The following RBM20 variants were observed in gnomAD, a reference collection of about 807,000 sequenced individuals.
RBM20 encodes RNA binding motif protein 20, also known as RNA-binding protein 20.
RBM20 carries 51 observed loss-of-function variants against 110.1 expected under a neutral mutation model. That is an observed-to-expected ratio of 0.46 (90% confidence interval 0.37 to 0.59). RBM20 has a LOEUF of 0.59. Among genes scored for constraint, RBM20 ranks in the 20% least tolerant of loss-of-function variants. The pLI is 0.00. For missense variants in RBM20, 1,512 were observed against 1,574.9 expected, an observed-to-expected ratio of 0.96 and a Z score of 0.68; for synonymous variants, 589 against 618.2, an observed-to-expected ratio of 0.95 and a Z score of 0.70.
At chr10:110,712,184 G>T (rs1204345097) in intron 1 of RBM20, among the ~76,000 whole-genome samples, 1 of 152,172 alleles carries the variant, frequency 6.6e-6, no homozygotes, top group Non-Finnish European at 1.5e-5. Flanking sequence ...ACCAAACAAG[G>T]TGCTCAGTTA....
chr10:110,744,347 G>A (rs1843754500), intron 1 of RBM20, among the ~76,000 whole-genome samples: 1 of 152,206 alleles, frequency 6.6e-6, no homozygotes, highest in Non-Finnish European at 1.5e-5. Context: ...CCAGGGGAGT[G>A]ACTGGGAGCT....
At chr10:110,695,498 G>A (rs969140663) in intron 1 of RBM20, among the ~76,000 whole-genome samples, 1 of 152,158 alleles carries the variant, frequency 6.6e-6, no homozygotes, top group Non-Finnish European at 1.5e-5. Context: ...TTGCTGTCTT[G>A]GACTCCAGGG....
chr10:110,770,807 C>T (rs999335258), intron 1 of RBM20, among the ~76,000 whole-genome samples: 2 of 152,216 alleles, frequency 1.3e-5, no homozygotes, highest in African/African-American at 4.8e-5. Flanking sequence ...AGTCCTGGAA[C>T]ATAGGTTTCA....
chr10:110,819,395 G>A (rs1191646615), intron 9 of RBM20, among the ~76,000 whole-genome samples: 1 of 152,246 alleles, frequency 6.6e-6, no homozygotes, highest in Non-Finnish European at 1.5e-5. Context: ...CTGTAGGTCA[G>A]ATTCGGCCTG....
chr10:110,704,683 A>G (rs1055649086), intron 1 of RBM20, among the ~76,000 whole-genome samples: 1 of 152,190 alleles, frequency 6.6e-6, no homozygotes, highest in African/African-American at 2.4e-5. Context: ...TCTTTAAGAC[A>G]TGTGTCATCT....
chr10:110,644,595 G>A lies in RBM20; in HGVS notation c.141G>A (p.Pro47=), dbSNP rs1437123756. Residue 47 remains proline, a synonymous_variant, in exon 1 of 14, where the codon CCG becomes CCA. Transcript: ENST00000369519. This position sits in a 1 kb window ranked among gnomAD's most constrained non-coding sequence, Gnocchi z 4.3. ...GAGGGATGCAGCAGCCGCCGCCGCC[G>A]CCCCAGCCACCGCCCCCGCCCCAAG... The part of the protein sequence containing the change: ...GPRGMQQPPP[P]PQPPPPPQAG... 2 of 1,518,394 alleles carry A rather than the reference G, an allele frequency of 1.3e-6. No homozygotes were observed. Among genetic ancestry groups the A allele is most frequent in the Admixed American group, 2.1e-5 (1 of 48,672 alleles). The allele number at this position is 1,518,394 out of a possible 1,614,324, so 94.1% of individuals were successfully genotyped here. A position where few individuals can be genotyped will look rare whatever the true frequency, so the allele number is the denominator to read the frequency against.
chr10:110,809,459 CT>C (rs1486303070), intron 7 of RBM20, among the ~76,000 whole-genome samples: 1 of 152,008 alleles, frequency 6.6e-6, no homozygotes, highest in African/African-American at 2.4e-5. Flanking sequence ...GAAGATGCTC[CT>C]GTTGCCTTTT....
At chr10:110,675,069 G>T (rs1420385968) in intron 1 of RBM20, among the ~76,000 whole-genome samples, 1 of 130,642 alleles carries the variant, frequency 7.7e-6, no homozygotes, top group Non-Finnish European at 1.7e-5. Context: ...GACTCTAAAT[G>T]GTGGACTGCA....
At chr10:110,698,946 T>C (rs1024079569) in intron 1 of RBM20, among the ~76,000 whole-genome samples, 7 of 152,196 alleles carry the variant, frequency 4.6e-5, no homozygotes, top group Non-Finnish European at 1.0e-4. Context: ...GGCTGTCTCA[T>C]TTGCTAGGGT....
chr10:110,801,698 T>A (rs1590688552), intron 7 of RBM20, among the ~76,000 whole-genome samples: 1 of 95,242 alleles, frequency 1.0e-5, no homozygotes, highest in Non-Finnish European at 2.1e-5. Context: ...CATGCCTGGC[T>A]ACTTTTTTTT....
intron 9 of RBM20, among the ~76,000 whole-genome samples, chr10:110,814,260 C>G (rs1011558336): frequency 3.9e-5 from 6 of 152,032 alleles, no homozygotes; most frequent in African/African-American, 1.5e-4. Context: ...TGCAGGCGAG[C>G]CAAAGGTGAA....
At chr10:110,834,429 C>T (rs770920470) in intron 13 of RBM20, among the ~76,000 whole-genome samples, 1 of 152,206 alleles carries the variant, frequency 6.6e-6, no homozygotes, top group Non-Finnish European at 1.5e-5. Flanking sequence ...CACACCACCC[C>T]AGAAGGGAGG....
In RBM20 at chr10:110,799,144, C is replaced by T. The variant is rs547405686; in HGVS notation, c.1669-643C>T. 5.3e-5 allele frequency among the ~76,000 whole-genome samples: 8 copies of T among 152,262 alleles called. No homozygotes were observed. The South Asian group carries it at 6.2e-4, about 12-fold the overall frequency. On this transcript the variant is annotated intron_variant, in intron 6 of 13. Coordinates refer to ENST00000369519, the MANE Select transcript of RBM20 (RefSeq NM_001134363.3). ...GAATTTTTTTATAAGGAAAGTAGAA[C>T]TCAAATAACCAAAGCTTGTGTCTCT... is the stretch of plus-strand genomic sequence containing the variant.
At chr10:110,835,803 C>T in intron 13 of RBM20, 65 bp from the exon 14 acceptor site, 2 of 1,469,122 alleles carry the variant, frequency 1.4e-6, no homozygotes, top group Middle Eastern at 1.7e-4. Flanking sequence ...ATGTCCGCTC[C>T]TCTCCTCTCC....
intron 1 of RBM20, among the ~76,000 whole-genome samples, chr10:110,652,027 A>G (rs1861956916): frequency 6.6e-6 from 1 of 152,242 alleles, no homozygotes; most frequent in Non-Finnish European, 1.5e-5. Context: ...GGATGAACAT[A>G]AGCATATTTA....
At chr10:110,826,581 TTC>T (rs1475738919) in intron 12 of RBM20, among the ~76,000 whole-genome samples, 13 of 115,532 alleles carry the variant, frequency 1.1e-4, no homozygotes, top group South Asian at 2.9e-4. Context: ...TTCATTCTTC[TTC>T]TTTTTTTTTT....
At chr10:110,831,276 G>T (rs1845048783) in intron 13 of RBM20, 94 bp downstream of exon 13, 3 of 1,386,270 alleles carry the variant, frequency 2.2e-6, no homozygotes, top group Non-Finnish European at 2.9e-6. Flanking sequence ...GCTTGCCTCT[G>T]AGTCTAGCTC....
intron 1 of RBM20, among the ~76,000 whole-genome samples, chr10:110,685,846 GA>G (rs1305201598): frequency 6.6e-6 from 1 of 152,128 alleles, no homozygotes; most frequent in Non-Finnish European, 1.5e-5. Context: ...CTAACACACT[GA>G]AAATTGCATT....
At chr10:110,795,291 A>G (rs1020464335) in intron 5 of RBM20, among the ~76,000 whole-genome samples, 1 of 152,228 alleles carries the variant, frequency 6.6e-6, no homozygotes, top group Admixed American at 6.5e-5. Flanking sequence ...TTCAGTCCTC[A>G]CTAGCCAGGC....
Sources: gnomAD v4.1 joint callset for allele counts (sites outside exome capture counted in the v4.1 genomes callset) on GRCh38, gnomAD v4.1.1 for gene constraint, Gnocchi (gnomAD v3.1) non-coding constraint, MANE v1.5 for transcripts, NCBI Gene and HGNC (gene_info 2026-07-23, HGNC 2026-07-21) for gene names.